Variants in PAK6 observed in about 807,000 individuals in gnomAD.
PAK6 encodes the protein p21 (RAC1) activated kinase 6, also known as serine/threonine-protein kinase PAK 6.
In PAK6, 33 loss-of-function variants were observed where a neutral mutation model predicts 60.8. The ratio of observed to expected loss-of-function variants is 0.54; its 90% CI spans 0.41 to 0.73. The LOEUF is 0.73. Among genes scored for constraint, PAK6 ranks in the 30% least tolerant of loss-of-function variants. PAK6 has a pLI of 0.00. For synonymous variants in PAK6, 404 were observed against 378.5 expected (o/e 1.07, Z -0.78); for missense variants, 845 against 904.1 (o/e 0.93, Z 0.84).
chr15:40,277,079 A>ATT (rs2039476953), exon 11 of PAK6: 1 of 152,202 alleles, frequency 6.6e-6, no homozygotes, highest in African/African-American at 2.4e-5. Context: ...AGTTTATCTC[A>ATT]ATAACCAGGT....
chr15:40,253,536 C>G (rs2038749944), intron 3 of PAK6, among the ~76,000 whole-genome samples: 1 of 152,256 alleles, frequency 6.6e-6, no homozygotes, highest in African/African-American at 2.4e-5. Context: ...AAATGGCCCG[C>G]CCTGCCCCCG....
intron 5 of PAK6, among the ~76,000 whole-genome samples, chr15:40,270,130 G>A (rs776500524): frequency 5.9e-5 from 9 of 152,114 alleles, no homozygotes; most frequent in Non-Finnish European, 1.3e-4. Flanking sequence ...TTAGAGCCCC[G>A]AGCCTTTCTA....
exon 5 of PAK6, chr15:40,265,999 A>G: frequency 6.2e-7 from 1 of 1,601,604 alleles, no homozygotes; most frequent in South Asian, 1.1e-5. Flanking sequence ...GGGGATGAGC[A>G]CTGGGCCACC....
intron 10 of PAK6, among the ~76,000 whole-genome samples, 184 bp from the exon 11 acceptor site, chr15:40,275,743 T>TGC (rs1034842161): frequency 6.6e-6 from 1 of 152,144 alleles, no homozygotes; most frequent in Non-Finnish European, 1.5e-5. Context: ...GCCAATCCTC[T>TGC]GCCCCTTCCA....
At chr15:40,252,106 G>A (rs1273010298) in intron 2 of PAK6, 3 of 368,452 alleles carry the variant, frequency 8.1e-6, no homozygotes, top group Non-Finnish European at 1.5e-5. Context: ...GCACAGTCTT[G>A]GGGCCCTGTC....
intron 7 of PAK6, 80 bp downstream of exon 7, chr15:40,273,079 G>A: frequency 6.4e-7 from 1 of 1,550,548 alleles, no homozygotes; most frequent in Non-Finnish European, 8.8e-7. Flanking sequence ...TCTTCTGCCT[G>A]TGGCCCAGAA....
intron 10 of PAK6, among the ~76,000 whole-genome samples, chr15:40,275,280 G>GTTTTTTTTGTTTTTT (rs2039418823): frequency 1.8e-5 from 1 of 56,486 alleles, no homozygotes; most frequent in Non-Finnish European, 3.1e-5. Context: ...GTTGTTGTTG[G>GTTTTTTTTGTTTTTT]TTTTTTTTTT....
intron 3 of PAK6, chr15:40,258,374 G>A (rs894522461): frequency 1.3e-5 from 2 of 152,240 alleles, no homozygotes; most frequent in Non-Finnish European, 2.9e-5. Context: ...TCAGATCTGG[G>A]TTCAAACCTC....
chr15:40,251,466 C>T (rs1056914259), intron 2 of PAK6: 3 of 152,294 alleles, frequency 2.0e-5, no homozygotes, highest in African/African-American at 7.2e-5. Flanking sequence ...AAGATTGAGC[C>T]GTGAGTAGAT....
rs1200188792 is a variant in PAK6 at position 40,273,688 on chromosome 15, C to A, written c.1743+12C>A. On this transcript the variant is annotated intron_variant, in intron 9 of 10. Transcript: ENST00000560346. The stretch of plus-strand genomic sequence containing the variant: ...TGTATGCCACTGAGGTAACCGTTCC[C>A]TCCACCCCCCAGACCTCCCAAAAGC... 6.2e-7 allele frequency: 1 copy of A among 1,612,532 alleles called. No individual in the cohort carries two copies. Among genetic ancestry groups the A allele is most frequent in the Non-Finnish European group, 8.5e-7 (1 of 1,178,962 alleles).
At chr15:40,252,160 G>A (rs1566845011) in intron 2 of PAK6, 2 of 682,642 alleles carry the variant, frequency 2.9e-6, no homozygotes, top group Non-Finnish European at 4.1e-6. Flanking sequence ...TCCGACTCCC[G>A]CGTGGGCTCT....
intron 3 of PAK6, chr15:40,263,964 A>AG (rs960144730): frequency 7.0e-5 from 32 of 455,884 alleles, no homozygotes; most frequent in African/African-American, 6.2e-4. Context: ...AAGAGTGTCA[A>AG]GGGGAGGTGG....
Position 40,264,779 on chromosome 15 carries a change from A to C in PAK6, c.-5-2A>C. The C allele has an allele frequency of 6.2e-7, 1 of 1,613,294 alleles. No homozygotes were observed. The highest frequency in any genetic ancestry group is 8.5e-7 in the Non-Finnish European group (1 of 1,179,700). On this transcript the variant is annotated splice_acceptor_variant, in intron 3 of 10. Coordinates refer to ENST00000560346, the Ensembl canonical transcript of PAK6. LOFTEE classifies it low-confidence loss of function (5UTR_SPLICE). ...GAGCTCAACCTTACTCTGCACTTAC[A>C]GGCACCATGTTCCGCAAGAAAAAGA...
chr15:40,254,438 T>C (rs2140960063), intron 3 of PAK6, among the ~76,000 whole-genome samples: 1 of 152,310 alleles, frequency 6.6e-6, no homozygotes, highest in South Asian at 2.1e-4. Flanking sequence ...ATTCAGGGTC[T>C]CTGGACCTCG....
intron 2 of PAK6, among the ~76,000 whole-genome samples, chr15:40,248,470 C>T (rs2038558973): frequency 1.3e-5 from 2 of 152,234 alleles, no homozygotes; most frequent in Admixed American, 1.3e-4. Context: ...AAGCATCCAG[C>T]ACACGTGCCC....
intron 10 of PAK6, 88 bp downstream of exon 10, chr15:40,274,364 C>T: frequency 7.3e-7 from 1 of 1,369,618 alleles, no homozygotes; most frequent in East Asian, 2.4e-5. Flanking sequence ...CATCTCCCTT[C>T]CACTGAAGCC....
At chr15:40,239,149 C>T (rs1001978845), upstream of PAK6, 1 of 152,158 alleles carries the variant, frequency 6.6e-6, no homozygotes, top group African/African-American at 2.4e-5. Flanking sequence ...AGCCGGGGCG[C>T]GCGGTGGAGG....
chr15:40,266,414 G>A, exon 5 of PAK6: 2 of 1,613,262 alleles, frequency 1.2e-6, no homozygotes, highest in Non-Finnish European at 1.7e-6. Context: ...TGAAGCGCAG[G>A]CTATTCCGAA....
At chr15:40,275,520 C>T (rs951351025) in intron 10 of PAK6, among the ~76,000 whole-genome samples, 47 of 151,946 alleles carry the variant, frequency 3.1e-4, no homozygotes, top group Admixed American at 1.3e-4. Flanking sequence ...CTCCTGACCT[C>T]GTAATCTGCC....
Sources: gnomAD v4.1 joint callset for allele counts (sites outside exome capture counted in the v4.1 genomes callset) on GRCh38, gnomAD v4.1.1 for gene constraint, MANE v1.5 for transcripts, NCBI Gene and HGNC (gene_info 2026-07-23, HGNC 2026-07-21) for gene names.